Variants in GDAP1 observed in about 807,000 individuals in gnomAD.
GDAP1 encodes the protein ganglioside induced differentiation associated protein 1.
GDAP1 carries 34 observed loss-of-function variants against 40.1 expected under a neutral mutation model. The ratio of observed to expected loss-of-function variants is 0.85; its 90% CI spans 0.64 to 1.13. The LOEUF is 1.13. Ranked by LOEUF, GDAP1 falls within the 50% of genes most tolerant of loss-of-function variation. The pLI is 0.00. For synonymous variants in GDAP1, 170 were observed against 157.4 expected, an observed-to-expected ratio of 1.08 and a Z score of -0.60; for missense variants, 374 against 433.7, an observed-to-expected ratio of 0.86 and a Z score of 1.22.
chr8:74,370,857 AAGAC>A (rs1430927713), downstream of GDAP1, among the ~76,000 whole-genome samples: 2 of 152,246 alleles, frequency 1.3e-5, no homozygotes, highest in Admixed American at 6.5e-5. Flanking sequence ...AGTGGAGTTT[AAGAC>A]AGAGTTTTAC....
intron 2 of GDAP1, among the ~76,000 whole-genome samples, chr8:74,485,974 T>C (rs995641952): frequency 2.6e-5 from 4 of 152,104 alleles, no homozygotes; most frequent in African/African-American, 9.7e-5. Context: ...GGAAAGAAAA[T>C]CTGTGGTACT....
At chr8:74,377,022 C>G (rs1563451447) in intron 2 of GDAP1, among the ~76,000 whole-genome samples, 1 of 152,026 alleles carries the variant, frequency 6.6e-6, no homozygotes, top group Non-Finnish European at 1.5e-5. Context: ...AAACATATAC[C>G]TCAATATTAA....
intron 2 of GDAP1, among the ~76,000 whole-genome samples, chr8:74,398,801 G>A (rs1033124671): frequency 6.6e-6 from 1 of 151,992 alleles, no homozygotes; most frequent in African/African-American, 2.4e-5. Context: ...CATCTATTGA[G>A]ATAATCATGT....
intron 2 of GDAP1, among the ~76,000 whole-genome samples, chr8:74,471,464 AT>A (rs1179009686): frequency 6.7e-6 from 1 of 148,580 alleles, no homozygotes; most frequent in East Asian, 2.0e-4. Context: ...TTTAAAAAAA[AT>A]AATTCCTTCC....
chr8:74,397,475 T>C (rs1455986704), intron 2 of GDAP1, among the ~76,000 whole-genome samples: 3 of 152,166 alleles, frequency 2.0e-5, no homozygotes, highest in African/African-American at 7.2e-5. Context: ...TCTTCTAGGG[T>C]TTTTATGGTT....
chr8:74,467,365 C>A (rs761027015), intron 2 of GDAP1, among the ~76,000 whole-genome samples: 1 of 152,170 alleles, frequency 6.6e-6, no homozygotes, highest in African/African-American at 2.4e-5. Context: ...TTCAGCTTCC[C>A]TGGTTCAAGT....
chr8:74,391,502 G>A (rs549045994), intron 2 of GDAP1, among the ~76,000 whole-genome samples: 2 of 151,528 alleles, frequency 1.3e-5, no homozygotes, highest in South Asian at 4.2e-4. Flanking sequence ...GCCCTCTGTG[G>A]GCTGCACCCA....
chr8:74,408,749 G>A (rs1044725206), intron 2 of GDAP1, among the ~76,000 whole-genome samples: 7 of 149,946 alleles, frequency 4.7e-5, no homozygotes, highest in Non-Finnish European at 8.8e-5. Context: ...TTATCTGCCC[G>A]AGCCCCTGTA....
chr8:74,428,330 G>T (rs1805978602), intron 2 of GDAP1, among the ~76,000 whole-genome samples: 2 of 152,174 alleles, frequency 1.3e-5, no homozygotes, highest in African/African-American at 4.8e-5. Flanking sequence ...AAGAGATGTT[G>T]CCCTAAAACA....
At chr8:74,390,530 G>A (rs1039451304) in intron 2 of GDAP1, among the ~76,000 whole-genome samples, 6 of 152,144 alleles carry the variant, frequency 3.9e-5, no homozygotes, top group Non-Finnish European at 7.4e-5. Context: ...AGCAAAGATT[G>A]CTCCCTATTC....
chr8:74,482,874 T>C (rs1806729729), intron 2 of GDAP1, among the ~76,000 whole-genome samples: 2 of 152,192 alleles, frequency 1.3e-5, no homozygotes, highest in Non-Finnish European at 2.9e-5. Context: ...CTGATGCTCT[T>C]GTGCTCTTTC....
chr8:74,430,277 A>G (rs543592175), intron 2 of GDAP1, among the ~76,000 whole-genome samples: 1 of 152,348 alleles, frequency 6.6e-6, no homozygotes, highest in East Asian at 1.9e-4. Flanking sequence ...TCTTTGACAA[A>G]ACAACTCCAC....
At chr8:74,420,933 T>C (rs1358163558) in intron 2 of GDAP1, among the ~76,000 whole-genome samples, 1 of 152,096 alleles carries the variant, frequency 6.6e-6, no homozygotes, top group Non-Finnish European at 1.5e-5. Flanking sequence ...TCTTTTTTAT[T>C]ATAAGTATTT....
intron 2 of GDAP1, among the ~76,000 whole-genome samples, chr8:74,470,379 A>T (rs1049632557): frequency 8.7e-4 from 132 of 152,202 alleles, no homozygotes; most frequent in African/African-American, 3.2e-3. Flanking sequence ...CATTAGGTAT[A>T]TCTCCTAATG....
chr8:74,402,067 C>T (rs990887002), intron 2 of GDAP1, among the ~76,000 whole-genome samples: 4 of 150,112 alleles, frequency 2.7e-5, no homozygotes, highest in African/African-American at 1.0e-4. Flanking sequence ...CTGGGAGAAC[C>T]ACTGCTCTCT....
At chr8:74,356,424 A>G (rs1407550588) in intron 2 of GDAP1, among the ~76,000 whole-genome samples, 2 of 152,166 alleles carry the variant, frequency 1.3e-5, no homozygotes, top group Non-Finnish European at 2.9e-5. Context: ...GTAGTTAAAC[A>G]TTTAATGTAT....
chr8:74,393,229 T>G (rs1217852089), intron 2 of GDAP1, among the ~76,000 whole-genome samples: 5 of 152,172 alleles, frequency 3.3e-5, no homozygotes, highest in African/African-American at 1.2e-4. Flanking sequence ...GGTAAAGAGA[T>G]TGACAAAAAC....
chr8:74,356,914 C>T (rs1298119955), intron 2 of GDAP1, among the ~76,000 whole-genome samples: 2 of 151,804 alleles, frequency 1.3e-5, no homozygotes, highest in Admixed American at 1.3e-4. Flanking sequence ...GGGGTTTCAC[C>T]ATGTTGGCCG....
At chr8:74,479,129 A>G (rs2128721395) in intron 2 of GDAP1, among the ~76,000 whole-genome samples, 1 of 152,294 alleles carries the variant, frequency 6.6e-6, no homozygotes, top group East Asian at 1.9e-4. Context: ...TTTTTTTCTA[A>G]GCAATGTTTT....
Sources: gnomAD v4.1 joint callset for allele counts (sites outside exome capture counted in the v4.1 genomes callset) on GRCh38, gnomAD v4.1.1 for gene constraint, MANE v1.5 for transcripts, NCBI Gene and HGNC (gene_info 2026-07-23, HGNC 2026-07-21) for gene names.